Variants in PCED1B observed in about 807,000 individuals in gnomAD.
PCED1B encodes the protein PC-esterase domain-containing protein 1B.
For synonymous variants in PCED1B, 251 were observed against 246.1 expected, an observed-to-expected ratio of 1.02 and a Z score of -0.19; for missense variants, 573 against 573.9, an observed-to-expected ratio of 1.00 and a Z score of 0.02.
intron 2 of PCED1B, among the ~76,000 whole-genome samples, chr12:47,172,743 T>G (rs1414799440): frequency 6.6e-6 from 1 of 152,190 alleles, no homozygotes; most frequent in East Asian, 1.9e-4. Flanking sequence ...GTGTAAAAGA[T>G]AAGAACTGGC....
At chr12:47,128,030 T>C (rs1939966757) in intron 2 of PCED1B, among the ~76,000 whole-genome samples, 1 of 152,256 alleles carries the variant, frequency 6.6e-6, no homozygotes, top group Admixed American at 6.5e-5. Flanking sequence ...CTTGGAATCA[T>C]TGATGCATGG....
chr12:47,126,956 T>G (rs1298490831), intron 2 of PCED1B, among the ~76,000 whole-genome samples: 2 of 152,162 alleles, frequency 1.3e-5, no homozygotes, highest in African/African-American at 4.8e-5. Flanking sequence ...AGAATCTGTT[T>G]TTTGTTTCAT....
intron 2 of PCED1B, among the ~76,000 whole-genome samples, chr12:47,136,354 T>A (rs1940373233): frequency 6.6e-6 from 1 of 152,226 alleles, no homozygotes; most frequent in Non-Finnish European, 1.5e-5. Flanking sequence ...TCTTAACAGA[T>A]AGACTTCTTA....
chr12:47,137,377 A>C (rs1009109325), intron 2 of PCED1B, among the ~76,000 whole-genome samples: 1 of 152,220 alleles, frequency 6.6e-6, no homozygotes, highest in African/African-American at 2.4e-5. Flanking sequence ...TGCAAAAATA[A>C]TTTATCTGTT....
At chr12:47,227,635 C>T (rs1218328854) in intron 3 of PCED1B, among the ~76,000 whole-genome samples, 1 of 151,924 alleles carries the variant, frequency 6.6e-6, no homozygotes, top group African/African-American at 2.4e-5. Context: ...GAGTGGATCA[C>T]TTGAGACCAG....
intron 1 of PCED1B, among the ~76,000 whole-genome samples, chr12:47,098,849 G>C (rs1183499095): frequency 1.3e-5 from 2 of 152,172 alleles, no homozygotes; most frequent in Non-Finnish European, 1.5e-5. Context: ...GAAAGAAAGA[G>C]TGGGAGACTA....
intron 1 of PCED1B, among the ~76,000 whole-genome samples, chr12:47,099,457 T>C (rs758613211): frequency 1.3e-5 from 2 of 152,158 alleles, no homozygotes; most frequent in African/African-American, 2.4e-5. Context: ...TCCACTGTGG[T>C]TTTATACTCA....
chr12:47,233,651 A>C (rs142463212), intron 3 of PCED1B, among the ~76,000 whole-genome samples: 1 of 152,318 alleles, frequency 6.6e-6, no homozygotes, highest in East Asian at 1.9e-4. Context: ...TGTCTGATTG[A>C]TAAGAGTTGC....
intron 2 of PCED1B, among the ~76,000 whole-genome samples, chr12:47,160,287 CTTTTTCTTTTTTTTT>C (rs1941329937): frequency 8.6e-6 from 1 of 116,298 alleles, no homozygotes; most frequent in Admixed American, 9.4e-5. Flanking sequence ...TTTTCTTTTT[CTTTTTCTTTTTTTTT>C]TTTTTTTTTT....
intron 3 of PCED1B, among the ~76,000 whole-genome samples, chr12:47,217,460 A>G (rs12368419): frequency 8.2e-4 from 63 of 76,580 alleles, no homozygotes; most frequent in South Asian, 1.6e-3. Flanking sequence ...AAGAAAGAAA[A>G]AGAAAGAAAG....
At chr12:47,219,516 T>A (rs1002122773) in intron 3 of PCED1B, among the ~76,000 whole-genome samples, 2 of 152,172 alleles carry the variant, frequency 1.3e-5, no homozygotes, top group Admixed American at 1.3e-4. Flanking sequence ...TTGTTTTTCA[T>A]CCATGGGAAC....
chr12:47,160,541 A>C (rs1311373919), intron 2 of PCED1B, among the ~76,000 whole-genome samples: 2 of 151,730 alleles, frequency 1.3e-5, no homozygotes, highest in Non-Finnish European at 2.9e-5. Flanking sequence ...CCTGGGCTCA[A>C]GCAATCTTCA....
intron 2 of PCED1B, among the ~76,000 whole-genome samples, chr12:47,199,042 A>G (rs1419192409): frequency 1.3e-5 from 2 of 152,160 alleles, no homozygotes; most frequent in Admixed American, 1.3e-4. Context: ...CCATCCTGGA[A>G]CTATTATAGT....
At chr12:47,114,956 A>G (rs1263158267) in intron 2 of PCED1B, among the ~76,000 whole-genome samples, 2 of 152,222 alleles carry the variant, frequency 1.3e-5, no homozygotes, top group African/African-American at 4.8e-5. Context: ...TTAAAACTAT[A>G]ACTTGTTTGA....
chr12:47,234,723 C>T (rs1163617535), intron 3 of PCED1B, among the ~76,000 whole-genome samples: 2 of 152,320 alleles, frequency 1.3e-5, no homozygotes, highest in East Asian at 3.9e-4. Context: ...GGCTCCTCCC[C>T]ACCAGGTGGA....
At chr12:47,149,642 G>C (rs182448991) in intron 2 of PCED1B, among the ~76,000 whole-genome samples, 1 of 152,174 alleles carries the variant, frequency 6.6e-6, no homozygotes, top group Non-Finnish European at 1.5e-5. Context: ...ATGCTTTAAC[G>C]TGTGAGCTCT....
intron 3 of PCED1B, among the ~76,000 whole-genome samples, chr12:47,230,136 G>A (rs550560658): frequency 2.6e-4 from 38 of 144,902 alleles, no homozygotes; most frequent in Non-Finnish European, 4.6e-4. Flanking sequence ...CCAGGCTGGA[G>A]TGCAGTGGCA....
chr12:47,104,332 G>T (rs1938849675), intron 2 of PCED1B, 137 bp downstream of exon 2: 1 of 152,192 alleles, frequency 6.6e-6, no homozygotes, highest in South Asian at 2.1e-4. Context: ...TTGGGGCAAA[G>T]CAGCTAACCT....
At chr12:47,168,236 G>T (rs1170656825) in intron 2 of PCED1B, among the ~76,000 whole-genome samples, 1 of 152,136 alleles carries the variant, frequency 6.6e-6, no homozygotes, top group Non-Finnish European at 1.5e-5. Context: ...GCCTCCTTCT[G>T]TCTCTTCTGT....
Sources: allele counts gnomAD v4.1 joint callset (sites outside exome capture counted in the v4.1 genomes callset), GRCh38; gene constraint gnomAD v4.1.1; transcripts MANE v1.5; gene names NCBI Gene and HGNC (gene_info 2026-07-23, HGNC 2026-07-21).